KRT14: variants seen among roughly 807,000 people sequenced by gnomAD.
KRT14 encodes the protein keratin, type I cytoskeletal 14.
In KRT14, 30 loss-of-function variants were observed where a neutral mutation model predicts 44.5. That is an observed-to-expected ratio of 0.67 (90% CI 0.50 to 0.92). The LOEUF (loss-of-function observed/expected upper bound fraction) is 0.92. Among genes scored for constraint, KRT14 ranks in the 40% least tolerant of loss-of-function variants. The probability of loss-of-function intolerance (pLI) is 0.00; values close to 1 mark genes in which losing one functional copy is unlikely to be tolerated. For missense variants in KRT14, 535 were observed against 640.6 expected, an observed-to-expected ratio of 0.84 and a Z score of 1.78; for synonymous variants, 241 against 257.6, an observed-to-expected ratio of 0.94 and a Z score of 0.62.
intron 7 of KRT14, chr17:41,582,825 A>G: frequency 3.3e-6 from 2 of 601,908 alleles, no homozygotes; most frequent in East Asian, 5.5e-5. Flanking sequence ...CTCAGTGGGA[A>G]GAGCCCTGTA....
rs1337755715 is a variant in KRT14 at position 41,583,544 on chromosome 17, T to C, written c.1053+7A>G. ...GGGTGCACCACCCTTCCTGGCACTA[T>C]TCCTACCATGCTGAGCTGGGACTGC... On this transcript the variant is annotated splice_region_variant and intron_variant, in intron 5 of 7. Transcript: ENST00000167586. 1.2e-6 allele frequency: 2 copies of C among 1,614,106 alleles called. No homozygotes were observed. Among genetic ancestry groups the C allele is most frequent in the Non-Finnish European group, 1.7e-6 (2 of 1,180,042 alleles).
In KRT14 at chr17:41,583,223, G is replaced by A. The variant is rs201401459; in HGVS notation, c.1274+12C>T. 9.8e-4 allele frequency: 1,586 copies of A among 1,613,246 alleles called. 2 individuals carry two copies. The highest frequency in any genetic ancestry group is 1.3e-3 in the Non-Finnish European group (1,497 of 1,179,880). On this transcript the variant is annotated intron_variant, in intron 6 of 7. Coordinates refer to ENST00000167586, the MANE Select transcript of KRT14 (RefSeq NM_000526.5). The stretch of plus-strand genomic sequence containing the variant: ...ATGGGGGGGGCGGACTAAGGGGAGG[G>A]CCAAGACTCACTGGGCGTCCTCGCC...
chr17:41,586,530 C>T lies in KRT14; in HGVS notation c.305G>A (p.Gly102Asp). The part of the protein sequence containing the change: ...LGAGLGGGFG[G>D]GFAGGDGLLV... ...AAGCCCATCACCACCAGCAAAGCCACCACCAAAGCCACCACCCAAGCCAGC... is the reference window on the plus strand; with the variant it reads ...AAGCCCATCACCACCAGCAAAGCCATCACCAAAGCCACCACCCAAGCCAGC... The change falls in exon 1 of 8, where the codon GGT becomes GAT. Residue 102 changes from glycine to aspartate, a missense_variant. Gly to Asp is a moderately conservative substitution (Grantham distance 94). Coordinates refer to ENST00000167586, the MANE Select transcript of KRT14 (RefSeq NM_000526.5). The T allele has an allele frequency of 1.2e-6, 2 of 1,613,970 alleles. No homozygotes were observed. The highest frequency in any genetic ancestry group is 1.7e-6 in the Non-Finnish European group (2 of 1,179,882).
At position 41,586,392 on chromosome 17, in the gene KRT14, C is replaced by T. The variant is rs1421315663; in HGVS notation, c.443G>A (p.Arg148His). ...EANADLEVKIRDWYQRQRPAE... is the reference protein window; with the variant it reads ...EANADLEVKIHDWYQRQRPAE... ...AGGCCGCTGCCTCTGGTACCAGTCACGGATCTTCACTTCCAGGTCGGCGTT... is the reference window on the plus strand; with the variant it reads ...AGGCCGCTGCCTCTGGTACCAGTCATGGATCTTCACTTCCAGGTCGGCGTT... Residue 148 changes from arginine to histidine, a missense_variant, in exon 1 of 8, where the codon CGT becomes CAT. Physicochemically the swap from Arg to His is conservative, Grantham distance 29 (BLOSUM62 0). Coordinates refer to ENST00000167586, the MANE Select transcript of KRT14 (RefSeq NM_000526.5). 31 of 1,613,752 alleles carry T rather than the reference C, an allele frequency of 1.9e-5. No homozygotes were observed. The highest frequency in any genetic ancestry group is 3.3e-5 in the Admixed American group (2 of 60,008).
At position 41,586,788 on chromosome 17, in the gene KRT14, C is replaced by G; in HGVS notation, c.47G>C (p.Gly16Ala). ...RQFTSSSSMK[G>A]SCGIGGGIGG... ...GATGCCGCCCCCGATGCCGCAGGAG[C>G]CCTTCATGGAGCTGGAGGAGGTGAA... is the stretch of plus-strand genomic sequence containing the variant. Residue 16 changes from glycine (G) to alanine (A), a missense_variant, in exon 1 of 8, where the codon GGC (glycine) becomes GCC (alanine). Physicochemically the swap from Gly to Ala is moderately conservative, Grantham distance 60 (BLOSUM62 0). Coordinates refer to ENST00000167586, the MANE Select transcript of KRT14 (RefSeq NM_000526.5). 1 of 1,591,162 alleles carries G rather than the reference C, an allele frequency of 6.3e-7. No homozygotes were observed. The highest frequency in any genetic ancestry group is 8.5e-7 in the Non-Finnish European group (1 of 1,170,764).
chr17:41,583,607 C>G lies in KRT14; in HGVS notation c.997G>C (p.Glu333Gln), dbSNP rs1907415806. 6.2e-7 allele frequency: 1 copy of G among 1,614,228 alleles called. No individual in the cohort carries two copies. The highest frequency in any genetic ancestry group is 2.2e-5 in the East Asian group (1 of 44,872). The change falls in exon 5 of 8, where the codon GAG (glutamate) becomes CAG (glutamine). Residue 333 changes from glutamate (E) to glutamine (Q), a missense_variant. Coordinates refer to ENST00000167586, the MANE Select transcript of KRT14 (RefSeq NM_000526.5). ...AGGTTCTGCATGGTGCGCCGGAGCT[C>G]CGAGATCTCGCTCTTGCCGCTCTGC... ...LVQSGKSEIS[E>Q]LRRTMQNLEI...
In KRT14 at chr17:41,583,941, C is replaced by G; in HGVS notation, c.766-20G>C. The stretch of plus-strand genomic sequence containing the variant: ...CATCTCCTGCACAGCCAGGGACAGT[C>G]CACAGTCAGGAGTTCCACCATGGCA... On this transcript the variant is annotated intron_variant, in intron 3 of 7. Transcript: ENST00000167586. 6.2e-7 allele frequency: 1 copy of G among 1,613,892 alleles called. No individual in the cohort carries two copies. Among genetic ancestry groups the G allele is most frequent in the East Asian group, 2.2e-5 (1 of 44,880 alleles).
rs1442536793 is a variant in KRT14 at position 41,583,460 on chromosome 17, G to A, written c.1054-5C>T. On this transcript the variant is annotated splice_polypyrimidine_tract_variant and splice_region_variant and intron_variant, in intron 5 of 7. Coordinates refer to ENST00000167586, the MANE Select transcript of KRT14 (RefSeq NM_000526.5). Reference sequence around the variant, plus strand: ...GCTGTTCTCCAGGGATGCTTTCTGTGAGGGAGGGAAAGGGAATCAACGATT... The same window carrying A: ...GCTGTTCTCCAGGGATGCTTTCTGTAAGGGAGGGAAAGGGAATCAACGATT... 2 of 1,614,142 alleles carry A rather than the reference G, an allele frequency of 1.2e-6. No individual in the cohort carries two copies. The highest frequency in any genetic ancestry group is 1.1e-5 in the South Asian group (1 of 91,086).
Position 41,583,746 on chromosome 17 carries a change from C to G in KRT14, c.927+14G>C, listed in dbSNP as rs991199601. ...CAGGTGGTCTGGGTTCCTTCCACCT[C>G]AAATGACACCCACCTTGGTGAAGAA... is the stretch of plus-strand genomic sequence containing the variant. On this transcript the variant is annotated intron_variant, in intron 4 of 7. Coordinates refer to ENST00000167586, the MANE Select transcript of KRT14 (RefSeq NM_000526.5). 1.9e-6 allele frequency: 3 copies of G among 1,614,162 alleles called. No homozygotes were observed. In the African/African-American group the frequency reaches 4.0e-5, roughly 22 times the overall value.
At position 41,583,261 on chromosome 17, in the gene KRT14, G is replaced by A. The variant is rs1259657729; in HGVS notation, c.1248C>T (p.Arg416=). 6 of 1,613,526 alleles carry A rather than the reference G, an allele frequency of 3.7e-6. No homozygotes were observed. The highest frequency in any genetic ancestry group is 1.1e-5 in the South Asian group (1 of 91,058). The change falls in exon 6 of 8, where the codon CGC becomes CGT. Residue 416 remains arginine (R), a synonymous_variant. Coordinates refer to ENST00000167586, the MANE Select transcript of KRT14 (RefSeq NM_000526.5). The part of the protein sequence containing the change: ...TRLEQEIATY[R]RLLEGEDAHL... Reference sequence around the variant, plus strand: ...GGGCGTCCTCGCCCTCCAGCAGGCGGCGGTAGGTGGCGATCTCCTGCTCCA... The same window carrying A: ...GGGCGTCCTCGCCCTCCAGCAGGCGACGGTAGGTGGCGATCTCCTGCTCCA...
In KRT14 at chr17:41,582,421, G is replaced by C; in HGVS notation, c.*14C>G. 6.4e-7 allele frequency: 1 copy of C among 1,551,682 alleles called. No homozygotes were observed. Among genetic ancestry groups the C allele is most frequent in the Non-Finnish European group, 8.7e-7 (1 of 1,146,548 alleles). On this transcript the variant is annotated 3_prime_UTR_variant, in exon 8 of 8. Coordinates refer to ENST00000167586, the MANE Select transcript of KRT14 (RefSeq NM_000526.5). ...CACGGGGGGCCTCCTAGGCCTGAGC[G>C]GGGCTGGGCAGCCTCAGTTCTTGGT...
intron 7 of KRT14, 160 bp downstream of exon 7, chr17:41,582,934 G>C (rs1283027404): frequency 1.3e-6 from 1 of 747,436 alleles, no homozygotes. Context: ...CCCTAAGGAG[G>C]GTTTAGAAAA....
chr17:41,586,885 G>C lies in KRT14; in HGVS notation c.-51C>G, dbSNP rs766558286. 30 of 1,539,472 alleles carry C rather than the reference G, an allele frequency of 1.9e-5. No individual in the cohort carries two copies. The highest frequency in any genetic ancestry group is 2.4e-5 in the Non-Finnish European group (28 of 1,146,240). On this transcript the variant is annotated 5_prime_UTR_variant, in exon 1 of 8. Coordinates refer to ENST00000167586, the MANE Select transcript of KRT14 (RefSeq NM_000526.5). Reference sequence around the variant, plus strand: ...CGAGCAGTTGGCTGAGTGAAGAGAAGGTGCTCGGGTAAATTGGAAAGGGAT... The same window carrying C: ...CGAGCAGTTGGCTGAGTGAAGAGAACGTGCTCGGGTAAATTGGAAAGGGAT...
chr17:41,586,578 C>G lies in KRT14; in HGVS notation c.257G>C (p.Gly86Ala), dbSNP rs1463244515. ...AGCACCAAGGCCACCACCATATCCT[C>G]CCCCAAAGCCACTACCAAAGCTGCT... ...SSSSFGSGFGGGYGGGLGAGL... is the reference protein window; with the variant it reads ...SSSSFGSGFGAGYGGGLGAGL... Residue 86 changes from glycine to alanine, a missense_variant, in exon 1 of 8, where the codon GGA (glycine) becomes GCA (alanine). Gly to Ala is a moderately conservative substitution (Grantham distance 60). Coordinates refer to ENST00000167586, the MANE Select transcript of KRT14 (RefSeq NM_000526.5). 9 of 1,613,806 alleles carry G rather than the reference C, an allele frequency of 5.6e-6. No homozygotes were observed. Among genetic ancestry groups the G allele is most frequent in the Non-Finnish European group, 7.6e-6 (9 of 1,179,828 alleles).
At chr17:41,584,067 CTCTTTTTTTTTTTTTTT>C in intron 3 of KRT14, 146 bp from the exon 4 acceptor site, 2 of 468,820 alleles carry the variant, frequency 4.3e-6, no homozygotes, top group South Asian at 2.1e-5. Context: ...CTCTCTCTCT[CTCTTTTTTTTTTTTTTT>C]TTTTTTTTTT....
intron 2 of KRT14, 148 bp downstream of exon 2, chr17:41,584,827 G>C (rs778448399): frequency 9.8e-5 from 70 of 711,924 alleles, no homozygotes; most frequent in Non-Finnish European, 1.6e-4. Context: ...TCCAAGGGTG[G>C]GGCCCAAGAG....
intron 3 of KRT14, 115 bp downstream of exon 3, chr17:41,584,141 TG>T (rs1907445408): frequency 1.0e-6 from 1 of 989,822 alleles, no homozygotes; most frequent in Non-Finnish European, 1.5e-6. Flanking sequence ...CTCAAACTCC[TG>T]TGTTCAAGTG....
intron 3 of KRT14, 148 bp from the exon 4 acceptor site, chr17:41,584,069 C>CTCTTTTTTTTT: frequency 3.3e-6 from 1 of 304,050 alleles, no homozygotes; most frequent in East Asian, 6.3e-5. Context: ...CTCTCTCTCT[C>CTCTTTTTTTTT]TTTTTTTTTT....
chr17:41,583,818 T>A lies in KRT14; in HGVS notation c.869A>T (p.Gln290Leu), dbSNP rs754774256. 1 of 1,614,132 alleles carries A rather than the reference T, an allele frequency of 6.2e-7. No homozygotes were observed. The highest frequency in any genetic ancestry group is 1.3e-5 in the African/African-American group (1 of 74,944). ...GTTCTTCTCTGCCATCTTCTCATAC[T>A]GGTCACGCATCTCGTTCAGAATGCG... is the stretch of plus-strand genomic sequence containing the variant. ...LSRILNEMRDQYEKMAEKNRK... is the reference protein window; with the variant it reads ...LSRILNEMRDLYEKMAEKNRK... The change falls in exon 4 of 8, where the codon CAG (glutamine) becomes CTG (leucine). Residue 290 changes from glutamine (Q) to leucine (L), a missense_variant. Transcript: ENST00000167586.
Sources: gnomAD v4.1 joint callset for allele counts on GRCh38, gnomAD v4.1.1 for gene constraint, MANE v1.5 for transcripts, NCBI Gene and HGNC (gene_info 2026-07-23, HGNC 2026-07-21) for gene names.